Variants in MICAL2 observed in about 807,000 individuals in gnomAD.
MICAL2 encodes the protein microtubule associated monooxygenase, calponin and LIM domain containing 2.
Under a neutral mutation model 127.3 loss-of-function variants are expected in MICAL2, and 77 were observed. The observed-to-expected ratio is 0.60, with a 90% CI of 0.50 to 0.73. MICAL2 has a LOEUF of 0.73. Ranked by LOEUF, MICAL2 falls within the 30% of genes least tolerant of loss-of-function variation. The pLI, the probability that MICAL2 is intolerant of heterozygous loss-of-function variation, is 0.00. For synonymous variants in MICAL2, 570 were observed against 551.1 expected, an observed-to-expected ratio of 1.03 and a Z score of -0.48; for missense variants, 1,351 against 1,434.4, an observed-to-expected ratio of 0.94 and a Z score of 0.94.
chr11:12,230,387 C>T (rs1277584025), intron 15 of MICAL2, among the ~76,000 whole-genome samples: 1 of 152,182 alleles, frequency 6.6e-6, no homozygotes, highest in Admixed American at 6.5e-5. Context: ...TACAACAAAA[C>T]ACGCAACCCT....
intron 3 of MICAL2, among the ~76,000 whole-genome samples, chr11:12,167,143 A>T (rs777006526): frequency 1.3e-5 from 2 of 152,096 alleles, no homozygotes; most frequent in Non-Finnish European, 2.9e-5. Context: ...TCCCCACAGG[A>T]TTGCTCAGTA....
rs1424697693 is a variant in MICAL2, at chr11:12,159,071, TCTC to T, written c.-77-3005_-77-3003del. On this transcript the variant is annotated intron_variant, in intron 2 of 27. Coordinates refer to ENST00000683283, the MANE Select transcript of MICAL2 (RefSeq NM_001282663.2). ...CTACATATCCAAGCTGCGCTTATCTTCTCCTGTCAAACCATCTCCCTCCACCTC... is the reference window on the plus strand; with the variant it reads ...CTACATATCCAAGCTGCGCTTATCTTCTGTCAAACCATCTCCCTCCACCTC... Among the ~76,000 whole-genome samples, 4 of 152,302 alleles carry T rather than the reference TCTC, an allele frequency of 2.6e-5. No individual in the cohort carries two copies. The South Asian group carries it at 6.2e-4, about 24-fold the overall frequency.
intron 1 of MICAL2, among the ~76,000 whole-genome samples, chr11:12,112,499 C>T (rs936086500): frequency 6.9e-6 from 1 of 143,924 alleles, no homozygotes; most frequent in Non-Finnish European, 1.5e-5. Context: ...ACTGTGTTAG[C>T]TGAAATAACC....
At position 12,162,145 on chromosome 11, in the gene MICAL2, A is replaced by C; in HGVS notation, c.-11A>C. 1.2e-6 allele frequency: 2 copies of C among 1,613,798 alleles called. No homozygotes were observed. The highest frequency in any genetic ancestry group is 1.7e-6 in the Non-Finnish European group (2 of 1,179,952). On this transcript the variant is annotated 5_prime_UTR_variant, in exon 3 of 28. Coordinates refer to ENST00000683283, the MANE Select transcript of MICAL2 (RefSeq NM_001282663.2). ...CCTCGCCGCACCACTGCCGCACACG[A>C]CTCCTGAACCATGGGGGAAAACGAG...
chr11:12,163,945 A>G (rs912805845), intron 3 of MICAL2, among the ~76,000 whole-genome samples: 4 of 151,916 alleles, frequency 2.6e-5, no homozygotes, highest in African/African-American at 9.7e-5. Context: ...GAGGGTTTTC[A>G]GAGCTCTGGT....
chr11:12,289,930 C>T (rs988537299), downstream of MICAL2, among the ~76,000 whole-genome samples: 2 of 152,214 alleles, frequency 1.3e-5, no homozygotes, highest in Middle Eastern at 3.2e-3. Flanking sequence ...CTGCACCAGA[C>T]AGCCCACTTT....
chr11:12,257,680 G>A (rs1441386388), intron 24 of MICAL2, among the ~76,000 whole-genome samples: 2 of 152,200 alleles, frequency 1.3e-5, no homozygotes, highest in African/African-American at 4.8e-5. Context: ...GTTAACGGTA[G>A]TCCTTAGCTC....
In MICAL2 at chr11:12,204,306, C is replaced by G; in HGVS notation, c.321C>G (p.Tyr107Ter). ...CGLRTAIELA[Y>*]LGAKVVVVEK... is the part of the protein sequence containing the mutation. ...TGCGCACTGCCATTGAACTTGCCTACCTGGGAGCCAAAGTGGTCGTGGTGG... is the reference window on the plus strand; with the variant it reads ...TGCGCACTGCCATTGAACTTGCCTAGCTGGGAGCCAAAGTGGTCGTGGTGG... Residue 107 changes from tyrosine to a stop codon, truncating the protein, a stop_gained, in exon 4 of 28, where the codon TAC (tyrosine) becomes TAG (stop). Coordinates refer to ENST00000683283, the MANE Select transcript of MICAL2 (RefSeq NM_001282663.2). LOFTEE classifies it high-confidence loss of function. The G allele has an allele frequency of 6.2e-7, 1 of 1,614,166 alleles. No individual in the cohort carries two copies. The highest frequency in any genetic ancestry group is 8.5e-7 in the Non-Finnish European group (1 of 1,180,030).
chr11:12,268,699 A>G (rs1316828041), downstream of MICAL2, among the ~76,000 whole-genome samples: 1 of 152,186 alleles, frequency 6.6e-6, no homozygotes, highest in African/African-American at 2.4e-5. Context: ...TCAGATAAAG[A>G]GGCCAACTCG....
chr11:12,195,700 G>T (rs35706324), intron 3 of MICAL2, among the ~76,000 whole-genome samples: 14,990 of 119,984 alleles, frequency 0.12, 869 homozygotes, highest in Admixed American at 0.21. Flanking sequence ...TTCTGCAATA[G>T]ATTTCTTTTT....
At chr11:12,208,526 A>G (rs1855022839) in intron 5 of MICAL2, among the ~76,000 whole-genome samples, 1 of 152,254 alleles carries the variant, frequency 6.6e-6, no homozygotes, top group African/African-American at 2.4e-5. Flanking sequence ...CCCATGGCAC[A>G]TTTTAAAATC....
chr11:12,299,480 TA>T (rs1347253273), intron 29 of MICAL2, among the ~76,000 whole-genome samples: 1 of 152,254 alleles, frequency 6.6e-6, no homozygotes, highest in Non-Finnish European at 1.5e-5. Context: ...TTTATTTTTA[TA>T]AGACAACTTT....
intron 8 of MICAL2, 137 bp downstream of exon 8, chr11:12,216,456 T>A (rs1194613822): frequency 2.3e-5 from 15 of 662,598 alleles, no homozygotes; most frequent in Non-Finnish European, 4.0e-5. Flanking sequence ...TACACCCTTC[T>A]TTTTCTTGGT....
chr11:12,358,590 T>G, downstream of MICAL2: 2 of 991,442 alleles, frequency 2.0e-6, no homozygotes, highest in Non-Finnish European at 1.5e-6. Context: ...GAACTTGTTA[T>G]ACCTTACTGC....
Position 12,349,807 on chromosome 11 carries a change from CTA to C in MICAL2, c.5516-30_5516-29del, listed in dbSNP as rs560368896. The C allele has an allele frequency of 2.5e-4, 406 of 1,604,428 alleles. 2 individuals carry two copies. In the South Asian group the frequency reaches 4.3e-3, roughly 17 times the overall value. On this transcript the variant is annotated intron_variant, in intron 32 of 34. Transcript: ENST00000646065. Reference sequence around the variant, plus strand: ...TGATCATGGGGAGAGAAATGCCAATCTAACCCATTTGCTGTTGATTTCTTAAG... The same window carrying C: ...TGATCATGGGGAGAGAAATGCCAATCACCCATTTGCTGTTGATTTCTTAAG...
At chr11:12,247,408 A>G (rs552375198) in intron 21 of MICAL2, among the ~76,000 whole-genome samples, 23 of 152,334 alleles carry the variant, frequency 1.5e-4, no homozygotes, top group African/African-American at 5.3e-4. Context: ...GACAGCTTCC[A>G]ACATCTTAAT....
intron 21 of MICAL2, among the ~76,000 whole-genome samples, chr11:12,245,613 G>A (rs1042742128): frequency 6.6e-6 from 1 of 152,320 alleles, no homozygotes; most frequent in East Asian, 1.9e-4. Context: ...AATAGCCATG[G>A]TCAGCATATC....
intron 32 of MICAL2, among the ~76,000 whole-genome samples, chr11:12,342,778 A>T (rs578065318): frequency 6.6e-6 from 1 of 152,364 alleles, no homozygotes; most frequent in South Asian, 2.1e-4. Flanking sequence ...ACGTGAGGTT[A>T]CGTGCCCAAA....
intron 21 of MICAL2, among the ~76,000 whole-genome samples, chr11:12,248,654 A>T (rs1221621368): frequency 5.3e-5 from 8 of 152,200 alleles, no homozygotes; most frequent in African/African-American, 1.9e-4. Flanking sequence ...TGTTTGTTTT[A>T]AAACTGGATT....
Sources: gnomAD v4.1 joint callset for allele counts (sites outside exome capture counted in the v4.1 genomes callset) on GRCh38, gnomAD v4.1.1 for gene constraint, MANE v1.5 for transcripts, NCBI Gene and HGNC (gene_info 2026-07-23, HGNC 2026-07-21) for gene names.